Variants in SCAPER observed in about 807,000 individuals in gnomAD.
SCAPER encodes the protein S-phase cyclin A associated protein in the ER, also known as S phase cyclin A-associated protein in the endoplasmic reticulum.
Under a neutral mutation model 182.2 loss-of-function variants are expected in SCAPER, and 98 were observed. The observed-to-expected ratio is 0.54, with a 90% CI of 0.46 to 0.64. The LOEUF is 0.64. SCAPER is among the 30% of genes least tolerant of loss of function. The pLI, the probability that SCAPER is intolerant of heterozygous loss-of-function variation, is 0.00. For missense variants in SCAPER, 1,432 were observed against 1,690.0 expected (o/e 0.85, Z 2.68); for synonymous variants, 605 against 564.6 (o/e 1.07, Z -1.01).
chr15:76,841,077 G>A (rs1197213223), intron 5 of SCAPER, among the ~76,000 whole-genome samples: 1 of 152,234 alleles, frequency 6.6e-6, no homozygotes, highest in East Asian at 1.9e-4. Context: ...CAGCACCAAC[G>A]GAGAATACAG....
chr15:76,857,578 T>C (rs551122916), intron 4 of SCAPER, among the ~76,000 whole-genome samples: 3 of 152,320 alleles, frequency 2.0e-5, no homozygotes, highest in Admixed American at 6.5e-5. Flanking sequence ...TGAGGATAAC[T>C]GTAATGCTTA....
At chr15:76,570,443 G>A (rs569047396) in intron 23 of SCAPER, among the ~76,000 whole-genome samples, 1 of 152,142 alleles carries the variant, frequency 6.6e-6, no homozygotes, top group South Asian at 2.1e-4. Context: ...TCTTGGCCCA[G>A]TAATTATTCA....
intron 28 of SCAPER, 115 bp downstream of exon 28, chr15:76,381,263 C>A: frequency 1.5e-6 from 1 of 682,730 alleles, no homozygotes. Flanking sequence ...ATTATAATTC[C>A]ATTTATTGTA....
chr15:76,428,894 A>ATATATATATATATATATATATATAG (rs71143324), intron 26 of SCAPER, among the ~76,000 whole-genome samples: 2 of 138,114 alleles, frequency 1.4e-5, no homozygotes, highest in African/African-American at 2.7e-5. Flanking sequence ...ATATATATAT[A>ATATATATATATATATATATATATAG]AACATCAAAA....
chr15:76,791,001 T>G (rs534068869), intron 8 of SCAPER, among the ~76,000 whole-genome samples: 10 of 152,346 alleles, frequency 6.6e-5, no homozygotes, highest in Admixed American at 5.9e-4. Context: ...TCATTTTTAT[T>G]CAATTCACTT....
At chr15:76,857,920 T>C (rs2151864495) in intron 3 of SCAPER, 41 bp from the exon 4 acceptor site, 3 of 1,328,396 alleles carry the variant, frequency 2.3e-6, no homozygotes, top group Non-Finnish European at 3.1e-6. Context: ...ATATACAGAA[T>C]GATAGATAGT....
chr15:76,497,312 T>C lies in SCAPER; in HGVS notation c.2954+7547A>G, dbSNP rs535461885. On this transcript the variant is annotated intron_variant, in intron 24 of 31. Transcript: ENST00000563290. The stretch of plus-strand genomic sequence containing the variant: ...TTGACTGAGCCAGTTCAACTTTGTG[T>C]ATTGGATTATAAATCCTATCTTGCT... 1.0e-3 allele frequency among the ~76,000 whole-genome samples: 155 copies of C among 152,160 alleles called. 3 individuals are homozygous for C. The highest frequency in any genetic ancestry group is 3.7e-3 in the African/African-American group (152 of 41,516).
intron 25 of SCAPER, among the ~76,000 whole-genome samples, chr15:76,461,536 GT>G (rs1282787343): frequency 6.6e-6 from 1 of 151,756 alleles, no homozygotes; most frequent in Non-Finnish European, 1.5e-5. Context: ...CATATAGTAA[GT>G]TTTTTATTTC....
At chr15:76,737,837 T>A (rs895883520) in intron 15 of SCAPER, among the ~76,000 whole-genome samples, 10 of 152,350 alleles carry the variant, frequency 6.6e-5, no homozygotes, top group East Asian at 1.9e-4. Context: ...ACCTCAAGAA[T>A]CAACCTCTGC....
intron 25 of SCAPER, among the ~76,000 whole-genome samples, chr15:76,462,725 T>C (rs1236601035): frequency 2.0e-5 from 3 of 152,158 alleles, no homozygotes; most frequent in Non-Finnish European, 4.4e-5. Flanking sequence ...ATGAATGTAG[T>C]AGAAAGGCAA....
At chr15:76,871,408 C>CAA (rs1220368116) in intron 2 of SCAPER, among the ~76,000 whole-genome samples, 1,439 of 67,810 alleles carry the variant, frequency 0.021, 38 homozygotes, top group African/African-American at 0.069. Context: ...GACTCCATCT[C>CAA]AAAAAAAAAA....
intron 1 of SCAPER, among the ~76,000 whole-genome samples, chr15:76,888,908 T>C (rs1390642267): frequency 6.6e-6 from 1 of 151,946 alleles, no homozygotes; most frequent in Non-Finnish European, 1.5e-5. Context: ...AAGGAAAAAA[T>C]GTTAAGGGCA....
At chr15:76,766,459 T>C (rs1302101880) in intron 11 of SCAPER, among the ~76,000 whole-genome samples, 1 of 152,060 alleles carries the variant, frequency 6.6e-6, no homozygotes, top group Non-Finnish European at 1.5e-5. Flanking sequence ...CTATAAATTA[T>C]AATCTCAGTA....
chr15:76,729,295 T>TACAC (rs57440824), intron 16 of SCAPER, among the ~76,000 whole-genome samples: 32,372 of 144,062 alleles, frequency 0.22, 3,510 homozygotes, highest in East Asian at 0.39. Context: ...TATATACACA[T>TACAC]ACACACACAC....
intron 5 of SCAPER, among the ~76,000 whole-genome samples, chr15:76,811,474 T>C (rs1316614228): frequency 1.3e-5 from 2 of 152,096 alleles, no homozygotes; most frequent in African/African-American, 2.4e-5. Flanking sequence ...TACAAAAATA[T>C]GTGATGCAGC....
chr15:76,428,866 C>CTA (rs375991391), intron 26 of SCAPER, among the ~76,000 whole-genome samples: 17,965 of 79,750 alleles, frequency 0.23, 2,543 homozygotes, highest in Admixed American at 0.29. Flanking sequence ...GATCATTATA[C>CTA]TATATATATA....
At chr15:76,885,020 G>A (rs752111729) in intron 1 of SCAPER, among the ~76,000 whole-genome samples, 24 of 152,280 alleles carry the variant, frequency 1.6e-4, no homozygotes, top group Non-Finnish European at 3.2e-4. Context: ...TGCGGGGTTA[G>A]GAGAAAATGA....
chr15:76,628,306 C>A (rs1334820526), intron 21 of SCAPER, among the ~76,000 whole-genome samples: 1 of 152,156 alleles, frequency 6.6e-6, no homozygotes. Flanking sequence ...TCAACTTTTT[C>A]TTCTGTTGCA....
chr15:76,374,553 G>A (rs1027383465), intron 29 of SCAPER, among the ~76,000 whole-genome samples: 5 of 150,126 alleles, frequency 3.3e-5, no homozygotes, highest in Non-Finnish European at 7.4e-5. Context: ...CGCGATCTCG[G>A]CTCATCGCAA....
Sources: gnomAD v4.1 joint callset for allele counts (sites outside exome capture counted in the v4.1 genomes callset) on GRCh38, gnomAD v4.1.1 for gene constraint, MANE v1.5 for transcripts, NCBI Gene and HGNC (gene_info 2026-07-23, HGNC 2026-07-21) for gene names.